The following DLC1 variants were observed in gnomAD, a reference collection of about 807,000 sequenced individuals.
The protein encoded by DLC1 is DLC1 Rho GTPase activating protein.
DLC1 carries 54 observed loss-of-function variants against 140.3 expected under a neutral mutation model. The observed-to-expected ratio is 0.38, with a 90% confidence interval of 0.31 to 0.48. The LOEUF is 0.48. DLC1 is among the 20% of genes least tolerant of loss of function. The pLI is 0.96. For missense variants in DLC1, 2,536 were observed against 1,907.0 expected (o/e 1.33, Z -6.14); for synonymous variants, 986 against 728.1 (o/e 1.35, Z -5.70).
intron 4 of DLC1, among the ~76,000 whole-genome samples, chr8:13,321,160 T>G (rs17801426): frequency 0.053 from 8,013 of 152,188 alleles, 283 homozygotes; most frequent in Middle Eastern, 0.12. Context: ...AGGAAAGAAC[T>G]TTTAAAAAAA....
intron 2 of DLC1, among the ~76,000 whole-genome samples, chr8:13,450,837 G>C (rs1799005622): frequency 6.6e-6 from 1 of 151,640 alleles, no homozygotes; most frequent in Non-Finnish European, 1.5e-5. Flanking sequence ...TCAAGATATT[G>C]AGACTATCCT....
chr8:13,424,789 G>A (rs186356478), intron 2 of DLC1, among the ~76,000 whole-genome samples: 1 of 152,098 alleles, frequency 6.6e-6, no homozygotes, highest in Admixed American at 6.5e-5. Flanking sequence ...TAGCCAGGAT[G>A]GTCTTGGTCT....
At chr8:13,362,214 A>G (rs1320208144) in intron 4 of DLC1, among the ~76,000 whole-genome samples, 1 of 152,202 alleles carries the variant, frequency 6.6e-6, no homozygotes, top group East Asian at 1.9e-4. Flanking sequence ...GATGACCTCG[A>G]TGACACTTCA....
intron 3 of DLC1, among the ~76,000 whole-genome samples, chr8:13,395,031 TATC>T (rs200181926): frequency 0.1 from 10,180 of 100,502 alleles, 414 homozygotes; most frequent in African/African-American, 0.17. Context: ...TCTATCTATC[TATC>T]ATCTATCTAT....
chr8:13,558,621 C>G (rs1804137757), intron 1 of DLC1: 1 of 152,052 alleles, frequency 6.6e-6, no homozygotes, highest in South Asian at 2.1e-4. Context: ...AAAATCTAAC[C>G]ACAGTCCAGG....
intron 1 of DLC1, among the ~76,000 whole-genome samples, chr8:13,564,089 T>C (rs1348046898): frequency 6.6e-6 from 1 of 152,174 alleles, no homozygotes; most frequent in Non-Finnish European, 1.5e-5. Context: ...AAATCTGCAG[T>C]AAACCTATAT....
At chr8:13,133,023 G>A in intron 5 of DLC1, 1 of 1,592,864 alleles carries the variant, frequency 6.3e-7, no homozygotes, top group South Asian at 1.1e-5. Context: ...GGGAAGTCGA[G>A]GCAGGCGGAG....
rs577781310 is a variant in DLC1, at chr8:13,310,360, A to G, written c.1315-5058T>C. On this transcript the variant is annotated intron_variant, in intron 4 of 17. Coordinates refer to ENST00000276297, the MANE Select transcript of DLC1 (RefSeq NM_182643.3). ...AGAAAAATCAGTGACAGAGTAATTT[A>G]CTCCTTTCCCTTTAAAACATTCACT... Among the ~76,000 whole-genome samples, 202 of 152,232 alleles carry G rather than the reference A, an allele frequency of 1.3e-3. 2 individuals are homozygous for G. Among genetic ancestry groups the G allele is most frequent in the African/African-American group, 4.6e-3 (190 of 41,542 alleles).
chr8:13,092,849 C>T (rs1411031980), intron 12 of DLC1, 24 bp from the exon 13 acceptor site: 2 of 1,602,084 alleles, frequency 1.2e-6, no homozygotes, highest in East Asian at 2.2e-5. Context: ...GCACTTTCTC[C>T]ATCAGCTTGG....
intron 2 of DLC1, among the ~76,000 whole-genome samples, chr8:13,433,252 C>G (rs1838969186): frequency 6.6e-6 from 1 of 152,090 alleles, no homozygotes; most frequent in Non-Finnish European, 1.5e-5. Flanking sequence ...TCTAGTTTCT[C>G]TTTGATAAAA....
chr8:13,435,077 C>G (rs1040268198), intron 2 of DLC1, among the ~76,000 whole-genome samples: 1 of 152,130 alleles, frequency 6.6e-6, no homozygotes, highest in African/African-American at 2.4e-5. Flanking sequence ...TAAGAGCCTT[C>G]TGGAAAGAAT....
chr8:13,572,815 C>G (rs1804708970), intron 1 of DLC1, among the ~76,000 whole-genome samples: 2 of 152,228 alleles, frequency 1.3e-5, no homozygotes, highest in South Asian at 4.2e-4. Flanking sequence ...TTTCTGAACT[C>G]TAAATTCTGT....
chr8:13,255,459 A>G (rs1288495539), intron 5 of DLC1, among the ~76,000 whole-genome samples: 1 of 152,202 alleles, frequency 6.6e-6, no homozygotes, highest in Non-Finnish European at 1.5e-5. Context: ...CCATCTCTGT[A>G]TCCTCATATC....
In DLC1 at chr8:13,157,767, G is replaced by C. The variant is rs145333828; in HGVS notation, c.1349-42110C>G. On this transcript the variant is annotated intron_variant, in intron 5 of 17. Coordinates refer to ENST00000276297, the MANE Select transcript of DLC1 (RefSeq NM_182643.3). ...TGGAGATTCTTTCACACTCTGCATG[G>C]AAACTTAGCTTTTATAATTTTTATT... Among the ~76,000 whole-genome samples the C allele has an allele frequency of 6.6e-4, 100 of 152,260 alleles. 1 individual carries two copies. The highest frequency in any genetic ancestry group is 2.3e-3 in the African/African-American group (95 of 41,550).
rs557450287 is a variant in DLC1, at chr8:13,410,662, A to C, written c.1024-9043T>G. 1.6e-4 allele frequency among the ~76,000 whole-genome samples: 24 copies of C among 152,094 alleles called. No homozygotes were observed. The Middle Eastern group carries it at 0.01, about 65-fold the overall frequency. On this transcript the variant is annotated intron_variant, in intron 2 of 17. Coordinates refer to ENST00000276297, the MANE Select transcript of DLC1 (RefSeq NM_182643.3). ...TGAGCAAGACCATTATAAAAAAAAA[A>C]CAAAAATGTCACCAAAGAATGTAAA...
chr8:13,457,103 C>G (rs1799425803), intron 2 of DLC1, among the ~76,000 whole-genome samples: 1 of 152,110 alleles, frequency 6.6e-6, no homozygotes, highest in African/African-American at 2.4e-5. Context: ...TTTGGTTGCA[C>G]TTAGTATTTT....
intron 4 of DLC1, among the ~76,000 whole-genome samples, chr8:13,369,303 C>T (rs543431042): frequency 1.4e-5 from 2 of 141,736 alleles, no homozygotes; most frequent in Non-Finnish European, 3.0e-5. Context: ...TCTATTTAAC[C>T]TATTGATACC....
At chr8:13,415,968 G>C (rs7834383) in intron 2 of DLC1, among the ~76,000 whole-genome samples, 1 of 151,974 alleles carries the variant, frequency 6.6e-6, no homozygotes, top group Non-Finnish European at 1.5e-5. Flanking sequence ...CCAAAGTTAG[G>C]ATACAGCTTG....
chr8:13,126,719 T>G (rs778507847), intron 5 of DLC1, among the ~76,000 whole-genome samples: 6 of 152,196 alleles, frequency 3.9e-5, no homozygotes, highest in Non-Finnish European at 7.4e-5. Context: ...AAAGTTGGCA[T>G]ACAAATAAAC....
Sources: gnomAD v4.1 joint callset for allele counts (sites outside exome capture counted in the v4.1 genomes callset) on GRCh38, gnomAD v4.1.1 for gene constraint, MANE v1.5 for transcripts, NCBI Gene and HGNC (gene_info 2026-07-23, HGNC 2026-07-21) for gene names.